The following MON2 variants were observed in gnomAD, a reference collection of about 807,000 sequenced individuals.
MON2 encodes MON2 regulator of endosome-to-Golgi trafficking.
MON2 carries 84 observed loss-of-function variants against 208.6 expected under a neutral mutation model. The ratio of observed to expected loss-of-function variants is 0.40; its 90% CI spans 0.34 to 0.48. The LOEUF (loss-of-function observed/expected upper bound fraction) is 0.48, where lower values mean the gene tolerates loss of function less well. MON2 is among the 20% of genes least tolerant of loss of function. MON2 has a pLI of 0.59. For synonymous variants in MON2, 660 were observed against 694.0 expected, an observed-to-expected ratio of 0.95 and a Z score of 0.77; for missense variants, 1,611 against 2,015.4, an observed-to-expected ratio of 0.80 and a Z score of 3.84.
At chr12:62,495,962 A>G (rs2070456214) in intron 4 of MON2, among the ~76,000 whole-genome samples, 1 of 152,078 alleles carries the variant, frequency 6.6e-6, no homozygotes, top group African/African-American at 2.4e-5. Context: ...AAAGTTTTTT[A>G]TTATGAAATA....
chr12:62,559,410 C>T (rs1046898259), intron 25 of MON2, among the ~76,000 whole-genome samples: 1 of 151,970 alleles, frequency 6.6e-6, no homozygotes, highest in Non-Finnish European at 1.5e-5. Flanking sequence ...TAATCCCAGC[C>T]CTTTGGAAGA....
rs572067295 is a variant in MON2, at chr12:62,597,047, G to A, written c.*4298G>A. ...AAAGCGGTTTCCTTATTTCTAAACAGAGATGATGATCAATGAGTTACTAAT... is the reference window on the plus strand; with the variant it reads ...AAAGCGGTTTCCTTATTTCTAAACAAAGATGATGATCAATGAGTTACTAAT... On this transcript the variant is annotated 3_prime_UTR_variant, in exon 35 of 35. Transcript: ENST00000393630. 1 of 152,284 alleles carries A rather than the reference G, an allele frequency of 6.6e-6. No individual in the cohort carries two copies. The highest frequency in any genetic ancestry group is 1.5e-5 in the Non-Finnish European group (1 of 68,024). The allele number at this position is 152,284 out of a possible 1,614,324, so 9.4% of individuals were successfully genotyped here. A position where few individuals can be genotyped will look rare whatever the true frequency, so the allele number is the denominator to read the frequency against.
chr12:62,548,072 A>C lies in MON2; in HGVS notation c.2753+1000A>C, dbSNP rs117666007. On this transcript the variant is annotated intron_variant, in intron 22 of 34. Coordinates refer to ENST00000393630, the MANE Select transcript of MON2 (RefSeq NM_015026.3). ...TATGAAGGAGATCTTATATGGTTAT[A>C]TAAATGATTTGAATTTATCCAAAAT... is the stretch of plus-strand genomic sequence containing the variant. Among the ~76,000 whole-genome samples the C allele has an allele frequency of 1.4e-3, 219 of 152,348 alleles. 2 individuals carry two copies. In the East Asian group the frequency reaches 0.038, roughly 27 times the overall value.
At position 62,592,301 on chromosome 12, in the gene MON2, T is replaced by C. The variant is rs150940298; in HGVS notation, c.4991-285T>C. On this transcript the variant is annotated intron_variant, in intron 34 of 34. Coordinates refer to ENST00000393630, the MANE Select transcript of MON2 (RefSeq NM_015026.3). ...AAAGGTTTGGATTGTTCTGAATTGC[T>C]TTGTTAGCTTTCAGAGCCTTCACAA... 3.3e-3 allele frequency among the ~76,000 whole-genome samples: 507 copies of C among 152,336 alleles called. 14 individuals are homozygous for C. Among genetic ancestry groups the C allele is most frequent in the Admixed American group, 0.03 (466 of 15,304 alleles).
chr12:62,523,432 T>C (rs545235987), intron 8 of MON2, among the ~76,000 whole-genome samples: 4 of 152,324 alleles, frequency 2.6e-5, no homozygotes, highest in Admixed American at 1.3e-4. Flanking sequence ...CTAGTTCCTT[T>C]AAACTAAGCT....
intron 30 of MON2, among the ~76,000 whole-genome samples, chr12:62,574,988 T>C (rs1263127056): frequency 6.6e-6 from 1 of 152,022 alleles, no homozygotes; most frequent in Non-Finnish European, 1.5e-5. Flanking sequence ...TAGCCAGATA[T>C]GGTGGCATGT....
chr12:62,546,693 G>A (rs1015959364), intron 21 of MON2, among the ~76,000 whole-genome samples: 1 of 152,184 alleles, frequency 6.6e-6, no homozygotes, highest in Non-Finnish European at 1.5e-5. Context: ...GACGGAGGTT[G>A]CAGTGAGTCA....
intron 14 of MON2, among the ~76,000 whole-genome samples, 192 bp downstream of exon 14, chr12:62,535,901 A>C (rs1269385948): frequency 1.3e-5 from 2 of 151,618 alleles, no homozygotes; most frequent in Admixed American, 6.6e-5. Flanking sequence ...ATATCCAAAA[A>C]TCCAGAATCT....
At chr12:62,501,380 T>G (rs2070822046) in intron 6 of MON2, among the ~76,000 whole-genome samples, 193 bp from the exon 7 acceptor site, 1 of 152,354 alleles carries the variant, frequency 6.6e-6, no homozygotes, top group East Asian at 1.9e-4. Context: ...AGTTATATGA[T>G]TCTTTAGAAG....
At chr12:62,496,471 T>A (rs1454600470) in intron 4 of MON2, among the ~76,000 whole-genome samples, 2 of 152,176 alleles carry the variant, frequency 1.3e-5, no homozygotes, top group Admixed American at 6.5e-5. Flanking sequence ...CTTTCCTTTA[T>A]GTTGAAATCT....
In MON2 at chr12:62,560,483, T is replaced by C. The variant is rs1013191477; in HGVS notation, c.3410-8T>C. The C allele has an allele frequency of 1.4e-5, 23 of 1,587,726 alleles. No individual in the cohort carries two copies. The highest frequency in any genetic ancestry group is 5.7e-5 in the Admixed American group (3 of 53,004). On this transcript the variant is annotated splice_region_variant and splice_polypyrimidine_tract_variant and intron_variant, in intron 25 of 34. Transcript: ENST00000393630. ...TGATAATAGTTTTTTTTTCTCTTCC[T>C]AATATAGGAGATTTTTCAAGAGCTT...
chr12:62,495,229 C>T, intron 4 of MON2, 82 bp downstream of exon 4: 2 of 1,303,846 alleles, frequency 1.5e-6, no homozygotes, highest in Non-Finnish European at 2.1e-6. Flanking sequence ...AGCTTGGTGC[C>T]ATTTGAACCA....
At chr12:62,487,005 C>G (rs1300724504) in intron 2 of MON2, among the ~76,000 whole-genome samples, 1 of 152,076 alleles carries the variant, frequency 6.6e-6, no homozygotes, top group Non-Finnish European at 1.5e-5. Context: ...ATTTATATTT[C>G]AGAATAAGTC....
At chr12:62,495,669 G>A (rs919104112) in intron 4 of MON2, among the ~76,000 whole-genome samples, 11 of 136,832 alleles carry the variant, frequency 8.0e-5, no homozygotes, top group African/African-American at 2.7e-4. Context: ...CAGCCTGGGC[G>A]ACAGAGTGAG....
At chr12:62,474,733 T>G (rs2068977777) in intron 1 of MON2, among the ~76,000 whole-genome samples, 1 of 152,204 alleles carries the variant, frequency 6.6e-6, no homozygotes, top group Non-Finnish European at 1.5e-5. Flanking sequence ...CAGATAGAAC[T>G]TCTTGTAATT....
rs1159786155 is a variant in MON2 at position 62,556,005 on chromosome 12, T to C, written c.3222T>C (p.His1074=). ...WHTVIWKVLF[H]LLDRVRESST... ...TAATAAATATTTAGGTACTCTTTCA[T>C]CTACTGGACAGAGTTCGAGAGTCCT... Residue 1074 remains histidine (H), a synonymous_variant, in exon 25 of 35, where the codon CAT becomes CAC. Transcript: ENST00000393630. 5 of 1,607,726 alleles carry C rather than the reference T, an allele frequency of 3.1e-6. No individual in the cohort carries two copies. The highest frequency in any genetic ancestry group is 1.7e-5 in the Admixed American group (1 of 59,864).
rs1182821421 is a variant in MON2, at chr12:62,596,202, T to G, written c.*3453T>G. 1.3e-5 allele frequency: 2 copies of G among 152,350 alleles called. No individual in the cohort carries two copies. Among genetic ancestry groups the G allele is most frequent in the East Asian group, 3.9e-4 (2 of 5,190 alleles). The allele number at this position is 152,350 out of a possible 1,614,324, so 9.4% of individuals were successfully genotyped here. A position where few individuals can be genotyped will look rare whatever the true frequency, so the allele number is the denominator to read the frequency against. On this transcript the variant is annotated 3_prime_UTR_variant, in exon 35 of 35. Coordinates refer to ENST00000393630, the MANE Select transcript of MON2 (RefSeq NM_015026.3). ...AACAACTCAAAAGTATATTCTTTAT[T>G]AATGAGGTGGTCATTATTACATTTG...
Position 62,490,333 on chromosome 12 carries a change from TTTTTG to T in MON2, c.176-3567_176-3563del, listed in dbSNP as rs555228880. On this transcript the variant is annotated intron_variant, in intron 2 of 34. Transcript: ENST00000393630. ...AAAAAGAATCAGCTTTTTCTGTTTTTTTTTGTTTTGTTTTGTTTTTTTCTGGAATG... is the reference window on the plus strand; with the variant it reads ...AAAAAGAATCAGCTTTTTCTGTTTTTTTTTGTTTTGTTTTTTTCTGGAATG... 5.9e-5 allele frequency among the ~76,000 whole-genome samples: 9 copies of T among 152,248 alleles called. No homozygotes were observed. In the South Asian group the frequency reaches 1.0e-3, roughly 18 times the overall value.
At chr12:62,475,192 T>C (rs762537253) in intron 1 of MON2, among the ~76,000 whole-genome samples, 4 of 152,186 alleles carry the variant, frequency 2.6e-5, no homozygotes, top group Non-Finnish European at 5.9e-5. Flanking sequence ...TCCAAATATG[T>C]CCTACTGCTT....
Sources: allele counts gnomAD v4.1 joint callset (sites outside exome capture counted in the v4.1 genomes callset), GRCh38; gene constraint gnomAD v4.1.1; transcripts MANE v1.5; gene names NCBI Gene and HGNC (gene_info 2026-07-23, HGNC 2026-07-21).